Variants in EPHB2 observed in about 807,000 individuals in gnomAD.
EPHB2 encodes the protein ephrin type-B receptor 2.
A neutral mutation model predicts 96.4 loss-of-function variants in EPHB2; 18 were observed. The observed-to-expected ratio is 0.19, with a 90% confidence interval of 0.13 to 0.28. The LOEUF is 0.28. Among genes scored for constraint, EPHB2 ranks in the 10% least tolerant of loss-of-function variants. The pLI, the probability that EPHB2 is intolerant of heterozygous loss-of-function variation, is 1.00. For synonymous variants in EPHB2, 506 were observed against 534.1 expected, an observed-to-expected ratio of 0.95 and a Z score of 0.72; for missense variants, 989 against 1,355.4, an observed-to-expected ratio of 0.73 and a Z score of 4.25.
chr1:22,883,737 T>C (rs774022738), intron 6 of EPHB2, among the ~76,000 whole-genome samples: 2 of 152,134 alleles, frequency 1.3e-5, no homozygotes, highest in African/African-American at 2.4e-5. Context: ...TTTCAAACAC[T>C]TACCCAGCCT....
intron 3 of EPHB2, among the ~76,000 whole-genome samples, chr1:22,823,142 G>T (rs759531021): frequency 6.6e-6 from 1 of 152,196 alleles, no homozygotes; most frequent in Non-Finnish European, 1.5e-5. Context: ...TCAGGCTCCA[G>T]TCATCCCAGA....
Position 22,785,805 on chromosome 1 carries a change from TC to T in EPHB2, c.811+734del, listed in dbSNP as rs1290219757. Reference sequence around the variant, plus strand: ...TTTTACTGTGAGCCAGGCCCACGACTCCCCCTTGTACTATGTGCTGAGCACT... The same window carrying T: ...TTTTACTGTGAGCCAGGCCCACGACTCCCCTTGTACTATGTGCTGAGCACT... On this transcript the variant is annotated intron_variant, in intron 3 of 15. Coordinates refer to ENST00000374630, the MANE Select transcript of EPHB2 (RefSeq NM_017449.5). Among the ~76,000 whole-genome samples, 4 of 152,308 alleles carry T rather than the reference TC, an allele frequency of 2.6e-5. No homozygotes were observed. In the East Asian group the frequency reaches 7.7e-4, roughly 29 times the overall value.
chr1:22,866,109 C>A (rs767379359), intron 5 of EPHB2, among the ~76,000 whole-genome samples: 3 of 152,198 alleles, frequency 2.0e-5, no homozygotes, highest in African/African-American at 4.8e-5. Flanking sequence ...CTCATCCCCC[C>A]ACCTGAGGGC....
intron 9 of EPHB2, among the ~76,000 whole-genome samples, chr1:22,898,825 G>A (rs1280679254): frequency 6.6e-6 from 1 of 152,222 alleles, no homozygotes; most frequent in Non-Finnish European, 1.5e-5. Flanking sequence ...AGGACTGGAT[G>A]TGGATACGTA....
rs540608018 is a variant in EPHB2 at position 22,898,925 on chromosome 1, G to T, written c.1765+2447G>T. On this transcript the variant is annotated intron_variant, in intron 9 of 15. Transcript: ENST00000374630. ...AGTTCCTGGGCTTAAAAATAGTTTG[G>T]GGCTGGCCAGGCACGGTGGCTCACG... Among the ~76,000 whole-genome samples, 5 of 152,230 alleles carry T rather than the reference G, an allele frequency of 3.3e-5. No homozygotes were observed. The South Asian group carries it at 1.0e-3, about 32-fold the overall frequency.
chr1:22,772,201 G>A (rs1171586017), intron 1 of EPHB2, among the ~76,000 whole-genome samples: 3 of 152,192 alleles, frequency 2.0e-5, no homozygotes, highest in Non-Finnish European at 2.9e-5. Flanking sequence ...TTAGTGAGCA[G>A]CCAGGCTGGC....
chr1:22,812,543 G>A (rs1298975155), intron 3 of EPHB2, among the ~76,000 whole-genome samples: 1 of 152,212 alleles, frequency 6.6e-6, no homozygotes, highest in Non-Finnish European at 1.5e-5. Context: ...GGGGGCTGTG[G>A]AGAGCGAGAC....
intron 1 of EPHB2, among the ~76,000 whole-genome samples, chr1:22,771,479 C>A (rs2148406680): frequency 6.6e-6 from 1 of 152,314 alleles, no homozygotes; most frequent in African/African-American, 2.4e-5. Flanking sequence ...ATGCACACAA[C>A]TTAGAACCAC....
chr1:22,839,815 G>A (rs1171320668), intron 3 of EPHB2, among the ~76,000 whole-genome samples: 1 of 152,146 alleles, frequency 6.6e-6, no homozygotes, highest in Admixed American at 6.5e-5. Context: ...GGTAGGAAGG[G>A]AAGTTTCTAG....
chr1:22,726,915 T>A (rs568123069), intron 1 of EPHB2, among the ~76,000 whole-genome samples: 15 of 152,040 alleles, frequency 9.9e-5, no homozygotes, highest in Non-Finnish European at 2.1e-4. Context: ...ACATAGTAGA[T>A]GGAAAGAAGG....
At position 22,758,282 on chromosome 1, in the gene EPHB2, C is replaced by G. The variant is rs551050652; in HGVS notation, c.62-23139C>G. ...GGATGGCCCTGAGAATTTGAAAGCA[C>G]CCTGCCAGATGTCCAGGACCCCAGC... On this transcript the variant is annotated intron_variant, in intron 1 of 15. Coordinates refer to ENST00000374630, the MANE Select transcript of EPHB2 (RefSeq NM_017449.5). Among the ~76,000 whole-genome samples, 286 of 152,048 alleles carry G rather than the reference C, an allele frequency of 1.9e-3. 3 individuals carry two copies. The highest frequency in any genetic ancestry group is 0.01 in the South Asian group (48 of 4,800).
At chr1:22,770,193 G>A (rs1234016255) in intron 1 of EPHB2, among the ~76,000 whole-genome samples, 2 of 152,244 alleles carry the variant, frequency 1.3e-5, no homozygotes, top group East Asian at 3.9e-4. Context: ...GTGCGGATGG[G>A]TAAATAGGTA....
Position 22,906,626 on chromosome 1 carries a change from C to T in EPHB2, c.1889-84C>T, listed in dbSNP as rs1639924786. ...GAGAAGAAAATGTACCTGCAGGCCC[C>T]GTGAGTGGACATGACAGGGAACAGG... On this transcript the variant is annotated intron_variant, in intron 10 of 15. Transcript: ENST00000374630. This position sits in a 1 kb window ranked among gnomAD's most constrained non-coding sequence, Gnocchi z 4.8. 46 of 1,597,102 alleles carry T rather than the reference C, an allele frequency of 2.9e-5. No homozygotes were observed. The highest frequency in any genetic ancestry group is 5.6e-5 in the South Asian group (5 of 89,166).
chr1:22,875,414 A>G lies in EPHB2; in HGVS notation c.1304-6945A>G, dbSNP rs1397227836. On this transcript the variant is annotated intron_variant, in intron 5 of 15. Transcript: ENST00000374630. This position sits in a 1 kb window ranked among gnomAD's most constrained non-coding sequence, Gnocchi z 4.2. ...TAGCTAGCTGGTGGCAAGAGGCCCC[A>G]CGTCACTGCAGCAGTTCCCAACTGT... Among the ~76,000 whole-genome samples the G allele has an allele frequency of 6.6e-6, 1 of 152,208 alleles. No individual in the cohort carries two copies. The highest frequency in any genetic ancestry group is 2.4e-5 in the African/African-American group (1 of 41,448).
At chr1:22,712,929 C>T (rs949912656) in intron 1 of EPHB2, among the ~76,000 whole-genome samples, 2 of 152,116 alleles carry the variant, frequency 1.3e-5, no homozygotes, top group African/African-American at 4.8e-5. Flanking sequence ...GCCCCTCTCT[C>T]GTTGGAAGAG....
chr1:22,720,667 C>CCT (rs1553157992), intron 1 of EPHB2, among the ~76,000 whole-genome samples: 2 of 108,358 alleles, frequency 1.8e-5, no homozygotes, highest in Non-Finnish European at 4.2e-5. Context: ...CATTCCCCCC[C>CCT]CCCCCCGCCC....
Position 22,846,038 on chromosome 1 carries a change from G to A in EPHB2, c.812-16999G>A, listed in dbSNP as rs944203436. Among the ~76,000 whole-genome samples, 3 of 152,116 alleles carry A rather than the reference G, an allele frequency of 2.0e-5. No individual in the cohort carries two copies. The highest frequency in any genetic ancestry group is 1.3e-4 in the Admixed American group (2 of 15,278). On this transcript the variant is annotated intron_variant, in intron 3 of 15. Coordinates refer to ENST00000374630, the MANE Select transcript of EPHB2 (RefSeq NM_017449.5). This position sits in a 1 kb window ranked among gnomAD's most constrained non-coding sequence, Gnocchi z 4.3. Reference sequence around the variant, plus strand: ...GCCATTTGGCCCTGGGAAAGTTTGGGATCAGTTAGACCCTAAGGATCCCTG... The same window carrying A: ...GCCATTTGGCCCTGGGAAAGTTTGGAATCAGTTAGACCCTAAGGATCCCTG...
At chr1:22,809,934 C>T (rs1440576) in intron 3 of EPHB2, among the ~76,000 whole-genome samples, 18,113 of 152,176 alleles carry the variant, frequency 0.12, 3,510 homozygotes, top group African/African-American at 0.41. Flanking sequence ...GTCAGCTTGA[C>T]TGGTTCTGAA....
rs1643751467 is a variant in EPHB2, at chr1:22,733,037, C to T, written c.61+21994C>T. On this transcript the variant is annotated intron_variant, in intron 1 of 15. Transcript: ENST00000374630. This position sits in a 1 kb window ranked among gnomAD's most constrained non-coding sequence, Gnocchi z 4.6. ...CTCTCTGTATGTTCCCCCTCCTAGG[C>T]TGCCTTTCTTTCTTTCTTTCTTTCT... is the stretch of plus-strand genomic sequence containing the variant. Among the ~76,000 whole-genome samples, 2 of 152,096 alleles carry T rather than the reference C, an allele frequency of 1.3e-5. No individual in the cohort carries two copies.
Sources: gnomAD v4.1 joint callset for allele counts (sites outside exome capture counted in the v4.1 genomes callset) on GRCh38, gnomAD v4.1.1 for gene constraint, Gnocchi (gnomAD v3.1) non-coding constraint, MANE v1.5 for transcripts, NCBI Gene and HGNC (gene_info 2026-07-23, HGNC 2026-07-21) for gene names.